The following GRM7 variants were observed in gnomAD, a reference collection of about 807,000 sequenced individuals.
GRM7 encodes glutamate metabotropic receptor 7, also known as metabotropic glutamate receptor 7.
GRM7 carries 35 observed loss-of-function variants against 84.5 expected under a neutral mutation model. The ratio of observed to expected loss-of-function variants is 0.41; its 90% CI spans 0.32 to 0.55. The LOEUF (loss-of-function observed/expected upper bound fraction) is 0.55, where lower values mean the gene tolerates loss of function less well. GRM7 is among the 20% of genes least tolerant of loss of function. The probability of loss-of-function intolerance (pLI) is 0.19; values close to 1 mark genes in which losing one functional copy is unlikely to be tolerated. For synonymous variants in GRM7, 487 were observed against 455.1 expected (o/e 1.07, Z -0.89); for missense variants, 1,003 against 1,194.6 (o/e 0.84, Z 2.36).
intron 1 of GRM7, among the ~76,000 whole-genome samples, chr3:6,902,284 TA>T (rs2125005315): frequency 6.6e-6 from 1 of 152,278 alleles, no homozygotes. Flanking sequence ...CACAATTTTT[TA>T]AAATGACAGC....
chr3:7,556,113 CT>C (rs1448886028), intron 7 of GRM7, among the ~76,000 whole-genome samples: 1 of 152,118 alleles, frequency 6.6e-6, no homozygotes, highest in Non-Finnish European at 1.5e-5. Flanking sequence ...GATTTGGAGT[CT>C]GGTGAAGACT....
At chr3:6,872,143 A>G (rs917061219) in intron 1 of GRM7, among the ~76,000 whole-genome samples, 4 of 152,210 alleles carry the variant, frequency 2.6e-5, no homozygotes, top group African/African-American at 4.8e-5. Flanking sequence ...TTGTATGCCT[A>G]CTGGGACCAC....
At position 7,213,469 on chromosome 3, in the gene GRM7, T is replaced by A. The variant is rs202044382; in HGVS notation, c.736+66801T>A. Among the ~76,000 whole-genome samples, 4 of 152,204 alleles carry A rather than the reference T, an allele frequency of 2.6e-5. No homozygotes were observed. The East Asian group carries it at 7.7e-4, about 29-fold the overall frequency. ...TGAATGAAAATGAAGCTCAGGGATGTTAATTGACTTGATCATAGTTACGCA... is the reference window on the plus strand; with the variant it reads ...TGAATGAAAATGAAGCTCAGGGATGATAATTGACTTGATCATAGTTACGCA... On this transcript the variant is annotated intron_variant, in intron 2 of 9. Coordinates refer to ENST00000357716, the MANE Select transcript of GRM7 (RefSeq NM_000844.4).
intron 4 of GRM7, among the ~76,000 whole-genome samples, chr3:7,411,644 G>A (rs765801442): frequency 2.6e-5 from 4 of 152,064 alleles, no homozygotes; most frequent in Non-Finnish European, 5.9e-5. Flanking sequence ...TTTCTGGTTT[G>A]CACATTTGTT....
At chr3:7,422,255 G>C (rs1436080970) in intron 5 of GRM7, among the ~76,000 whole-genome samples, 1 of 152,106 alleles carries the variant, frequency 6.6e-6, no homozygotes, top group Non-Finnish European at 1.5e-5. Context: ...CATAACACAA[G>C]GCAACCACAA....
intron 4 of GRM7, among the ~76,000 whole-genome samples, chr3:7,380,214 A>G (rs1230063310): frequency 6.6e-6 from 1 of 152,204 alleles, no homozygotes; most frequent in East Asian, 1.9e-4. Flanking sequence ...TCATGAATGA[A>G]TAAAATGGTT....
At chr3:7,178,789 A>G (rs1485440241) in intron 2 of GRM7, among the ~76,000 whole-genome samples, 1 of 152,098 alleles carries the variant, frequency 6.6e-6, no homozygotes, top group Non-Finnish European at 1.5e-5. Context: ...ATATGAAAAA[A>G]AAAATGTTAG....
intron 2 of GRM7, among the ~76,000 whole-genome samples, chr3:7,189,697 A>C (rs1377743158): frequency 6.6e-6 from 1 of 152,200 alleles, no homozygotes; most frequent in Non-Finnish European, 1.5e-5. Context: ...TTTGCAGGAT[A>C]AATTTAAAAT....
At chr3:7,088,118 G>C (rs73029575) in intron 1 of GRM7, among the ~76,000 whole-genome samples, 1 of 151,946 alleles carries the variant, frequency 6.6e-6, no homozygotes, top group African/African-American at 2.4e-5. Context: ...ATTTAGCAAT[G>C]AACCTGCGGA....
At chr3:7,478,484 C>T (rs763277328) in intron 7 of GRM7, among the ~76,000 whole-genome samples, 3 of 152,168 alleles carry the variant, frequency 2.0e-5, no homozygotes, top group Non-Finnish European at 2.9e-5. Context: ...GGAATTTAAT[C>T]AGCAAATATC....
intron 8 of GRM7, among the ~76,000 whole-genome samples, chr3:7,587,487 A>G (rs527527448): frequency 6.0e-4 from 91 of 152,298 alleles, no homozygotes; most frequent in African/African-American, 2.1e-3. Flanking sequence ...GAGAGGCTGT[A>G]ATATAAATTA....
At chr3:7,655,924 G>C (rs2125118607) in intron 8 of GRM7, among the ~76,000 whole-genome samples, 2 of 152,218 alleles carry the variant, frequency 1.3e-5, no homozygotes, top group Middle Eastern at 3.4e-3. Context: ...GAAAGATCTA[G>C]GTCCTACCAC....
chr3:7,555,525 T>G (rs1693714748), intron 7 of GRM7, among the ~76,000 whole-genome samples: 1 of 152,218 alleles, frequency 6.6e-6, no homozygotes, highest in South Asian at 2.1e-4. Context: ...TCAAATGATG[T>G]GTTCAACTAC....
chr3:6,870,436 A>T (rs1695084713), intron 1 of GRM7, among the ~76,000 whole-genome samples: 1 of 152,154 alleles, frequency 6.6e-6, no homozygotes, highest in East Asian at 1.9e-4. Flanking sequence ...GAGTAGAGTC[A>T]ATGAGGAGGA....
chr3:7,509,861 A>G (rs1303631707), intron 7 of GRM7, among the ~76,000 whole-genome samples: 1 of 152,156 alleles, frequency 6.6e-6, no homozygotes, highest in African/African-American at 2.4e-5. Flanking sequence ...GAGGAGAGGA[A>G]GGATATAGAA....
At chr3:7,331,013 T>G (rs2125065904) in intron 4 of GRM7, among the ~76,000 whole-genome samples, 1 of 152,326 alleles carries the variant, frequency 6.6e-6, no homozygotes, top group Non-Finnish European at 1.5e-5. Flanking sequence ...GCTTGCTATC[T>G]TACTTACCTT....
chr3:7,594,970 G>A (rs1695970197), intron 8 of GRM7, among the ~76,000 whole-genome samples: 1 of 152,042 alleles, frequency 6.6e-6, no homozygotes, highest in Non-Finnish European at 1.5e-5. Flanking sequence ...GTTTGTACAT[G>A]TGTATTTCTG....
In GRM7 at chr3:7,150,086, T is replaced by TGTGA. The variant is rs61457102; in HGVS notation, c.736+3419_736+3420insTGAG. Among the ~76,000 whole-genome samples, 272 of 149,954 alleles carry TGTGA rather than the reference T, an allele frequency of 1.8e-3. 5 individuals carry two copies. The East Asian group carries it at 0.026, about 14-fold the overall frequency. On this transcript the variant is annotated intron_variant, in intron 2 of 9. Transcript: ENST00000357716. ...ATACATATATGTGTGTGTGTGTGTGTGAGAGAGAGAGAGAGCAAGAAAGAG... is the reference window on the plus strand; with the variant it reads ...ATACATATATGTGTGTGTGTGTGTGTGTGAGAGAGAGAGAGAGAGCAAGAAAGAG...
intron 5 of GRM7, among the ~76,000 whole-genome samples, chr3:7,449,443 T>A (rs1697672691): frequency 6.6e-6 from 1 of 152,172 alleles, no homozygotes; most frequent in South Asian, 2.1e-4. Context: ...ACCACCAAGT[T>A]GCTAGATTTT....
Sources: allele counts gnomAD v4.1 joint callset (sites outside exome capture counted in the v4.1 genomes callset), GRCh38; gene constraint gnomAD v4.1.1; transcripts MANE v1.5; gene names NCBI Gene and HGNC (gene_info 2026-07-23, HGNC 2026-07-21).